WWOX: variants seen among roughly 807,000 people sequenced by gnomAD.
WWOX encodes WW domain containing oxidoreductase.
WWOX carries 69 observed loss-of-function variants against 46.2 expected under a neutral mutation model. That is an observed-to-expected ratio of 1.49 (90% confidence interval 1.23 to 1.82). The LOEUF is 1.82. Ranked by LOEUF, WWOX falls within the 40% of genes most tolerant of loss-of-function variation. The probability of loss-of-function intolerance (pLI) is 0.00; values close to 1 mark genes in which losing one functional copy is unlikely to be tolerated. For synonymous variants in WWOX, 359 were observed against 202.6 expected, an observed-to-expected ratio of 1.77 and a Z score of -6.56; for missense variants, 919 against 542.6, an observed-to-expected ratio of 1.69 and a Z score of -6.89.
chr16:78,420,548 T>C (rs1490427055), intron 6 of WWOX, among the ~76,000 whole-genome samples: 1 of 151,968 alleles, frequency 6.6e-6, no homozygotes, highest in Non-Finnish European at 1.5e-5. Flanking sequence ...TTCCATTTAG[T>C]ATATAAAATG....
intron 8 of WWOX, among the ~76,000 whole-genome samples, chr16:78,494,018 G>C (rs145984244): frequency 1.3e-5 from 2 of 152,330 alleles, no homozygotes; most frequent in African/African-American, 4.8e-5. Flanking sequence ...GGGAGGTTTA[G>C]TTGGCTCGTG....
At chr16:78,589,932 C>T (rs1215577598) in intron 8 of WWOX, among the ~76,000 whole-genome samples, 1 of 152,090 alleles carries the variant, frequency 6.6e-6, no homozygotes, top group Non-Finnish European at 1.5e-5. Context: ...GTTGGAATTT[C>T]CCAAGAACAT....
intron 8 of WWOX, among the ~76,000 whole-genome samples, chr16:78,492,424 A>G (rs1022648140): frequency 2.0e-5 from 3 of 152,088 alleles, no homozygotes; most frequent in African/African-American, 4.8e-5. Flanking sequence ...GATAAAACTG[A>G]CCTCCCAGTG....
intron 8 of WWOX, among the ~76,000 whole-genome samples, chr16:78,501,612 C>T (rs1350904088): frequency 3.3e-5 from 5 of 151,840 alleles, no homozygotes; most frequent in Non-Finnish European, 7.4e-5. Context: ...TCTTGGCTCA[C>T]TGCAACCTCT....
chr16:78,138,809 C>T (rs961757985), intron 4 of WWOX, among the ~76,000 whole-genome samples: 9 of 152,264 alleles, frequency 5.9e-5, no homozygotes, highest in African/African-American at 7.2e-5. Context: ...CGCCACTCCA[C>T]GGATGTGAGT....
At chr16:78,601,104 G>T (rs1277543339) in intron 8 of WWOX, among the ~76,000 whole-genome samples, 2 of 152,202 alleles carry the variant, frequency 1.3e-5, no homozygotes, top group Non-Finnish European at 2.9e-5. Flanking sequence ...AGGACTCAGG[G>T]TGTATAAGTG....
chr16:78,898,042 A>G (rs1282035504), intron 8 of WWOX: 3 of 152,040 alleles, frequency 2.0e-5, no homozygotes, highest in East Asian at 1.9e-4. Flanking sequence ...TAGGAATTCT[A>G]TATATATTTT....
intron 8 of WWOX, among the ~76,000 whole-genome samples, chr16:79,113,451 C>T (rs2049454631): frequency 6.6e-6 from 1 of 152,200 alleles, no homozygotes; most frequent in African/African-American, 2.4e-5. Flanking sequence ...CACTTCTGGT[C>T]CACACCTTGG....
chr16:78,124,455 G>A (rs1448964510), intron 4 of WWOX: 1 of 152,164 alleles, frequency 6.6e-6, no homozygotes, highest in Non-Finnish European at 1.5e-5. Flanking sequence ...GCCTATACAT[G>A]AGTAGATATG....
chr16:79,117,835 C>T (rs1210949796), intron 8 of WWOX, among the ~76,000 whole-genome samples: 5 of 152,226 alleles, frequency 3.3e-5, no homozygotes. Context: ...TCACCCCTCT[C>T]AGCCTTCACA....
chr16:78,369,911 T>C (rs62035781), intron 5 of WWOX, among the ~76,000 whole-genome samples: 61,955 of 151,202 alleles, frequency 0.41, 16,510 homozygotes, highest in Non-Finnish European at 0.59. Context: ...GGCGGGAGGA[T>C]CACATAAGGC....
intron 4 of WWOX, among the ~76,000 whole-genome samples, chr16:78,148,820 C>T (rs2034297733): frequency 7.1e-6 from 1 of 140,988 alleles, no homozygotes; most frequent in South Asian, 2.2e-4. Context: ...ATGGCGTGAA[C>T]CTGGGAGGCG....
chr16:78,164,154 T>C, intron 4 of WWOX, 29 bp from the exon 5 acceptor site: 1 of 1,599,926 alleles, frequency 6.3e-7, no homozygotes, highest in Non-Finnish European at 8.6e-7. Context: ...TGTTATGTTT[T>C]CTAACATTGA....
chr16:78,788,493 C>T (rs754549631), intron 8 of WWOX, among the ~76,000 whole-genome samples: 1 of 152,158 alleles, frequency 6.6e-6, no homozygotes, highest in Non-Finnish European at 1.5e-5. Flanking sequence ...CCTCATGAAG[C>T]TCCCATAAAA....
chr16:78,261,278 G>A (rs56351211), intron 5 of WWOX, among the ~76,000 whole-genome samples: 6 of 143,464 alleles, frequency 4.2e-5, no homozygotes, highest in African/African-American at 1.6e-4. Context: ...TAGATAGATA[G>A]ATAGATACAT....
In WWOX at chr16:78,338,512, T is replaced by C. The variant is rs1423209027; in HGVS notation, c.517-48348T>C. Among the ~76,000 whole-genome samples, 2 of 121,900 alleles carry C rather than the reference T, an allele frequency of 1.6e-5. 1 individual carries two copies. The highest frequency in any genetic ancestry group is 3.9e-5 in the Non-Finnish European group (2 of 50,984). The allele number at this position is 121,900 out of a possible 152,430, so 80.0% of individuals were successfully genotyped here. A position where few individuals can be genotyped will look rare whatever the true frequency, so the allele number is the denominator to read the frequency against. On this transcript the variant is annotated intron_variant, in intron 5 of 8. Transcript: ENST00000566780. Reference sequence around the variant, plus strand: ...GAGTTAAGGGCACATAAAATATTCTTACAGAGAGAAATTCTGTAGTTTCCA... The same window carrying C: ...GAGTTAAGGGCACATAAAATATTCTCACAGAGAGAAATTCTGTAGTTTCCA...
intron 8 of WWOX, among the ~76,000 whole-genome samples, chr16:78,910,844 G>A (rs774095644): frequency 6.6e-6 from 1 of 151,870 alleles, no homozygotes; most frequent in Non-Finnish European, 1.5e-5. Context: ...TGGGAATTAT[G>A]GGAGCTATAA....
intron 8 of WWOX, among the ~76,000 whole-genome samples, chr16:78,754,201 C>G (rs965234312): frequency 6.6e-6 from 1 of 152,064 alleles, no homozygotes; most frequent in African/African-American, 2.4e-5. Context: ...TCTGTCTTCA[C>G]TCGGTGAGGA....
chr16:78,478,416 T>C (rs8051225), intron 8 of WWOX, among the ~76,000 whole-genome samples: 56,983 of 152,032 alleles, frequency 0.37, 14,951 homozygotes, highest in African/African-American at 0.76. Context: ...TGGCCATATT[T>C]ACCACCCCGG....
Sources: allele counts gnomAD v4.1 joint callset (sites outside exome capture counted in the v4.1 genomes callset), GRCh38; gene constraint gnomAD v4.1.1; transcripts MANE v1.5; gene names NCBI Gene and HGNC (gene_info 2026-07-23, HGNC 2026-07-21).